Variants in PKNOX2 observed in about 807,000 individuals in gnomAD.
The protein encoded by PKNOX2 is PBX/knotted 1 homeobox 2.
Under a neutral mutation model 53.1 loss-of-function variants are expected in PKNOX2, and 14 were observed. The observed-to-expected ratio is 0.26, with a 90% CI of 0.17 to 0.41. The LOEUF (loss-of-function observed/expected upper bound fraction) is 0.41, where lower values mean the gene tolerates loss of function less well. Ranked by LOEUF, PKNOX2 falls within the 10% of genes least tolerant of loss-of-function variation. The probability of loss-of-function intolerance (pLI) is 1.00; values close to 1 mark genes in which losing one functional copy is unlikely to be tolerated. For synonymous variants in PKNOX2, 257 were observed against 242.8 expected (o/e 1.06, Z -0.54); for missense variants, 496 against 602.8 (o/e 0.82, Z 1.85).
chr11:125,430,657 G>GC (rs898738503), intron 12 of PKNOX2, among the ~76,000 whole-genome samples: 15 of 152,180 alleles, frequency 9.9e-5, no homozygotes, highest in East Asian at 1.9e-4. Flanking sequence ...GGGGAGTGGA[G>GC]CGTAGGTGTG....
At chr11:125,273,399 G>A (rs181609531) in intron 2 of PKNOX2, among the ~76,000 whole-genome samples, 28 of 152,316 alleles carry the variant, frequency 1.8e-4, no homozygotes, top group African/African-American at 3.8e-4. Context: ...AAGGTGGACC[G>A]AGGGGCAGGA....
At chr11:125,172,353 C>T (rs1346874250) in intron 1 of PKNOX2, among the ~76,000 whole-genome samples, 4 of 152,190 alleles carry the variant, frequency 2.6e-5, no homozygotes, top group Non-Finnish European at 5.9e-5. Context: ...ATGAGGCAAA[C>T]AAATCACTTC....
intron 2 of PKNOX2, among the ~76,000 whole-genome samples, chr11:125,325,918 AT>A (rs1949794161): frequency 6.6e-6 from 1 of 152,256 alleles, no homozygotes; most frequent in African/African-American, 2.4e-5. Context: ...TCAAGAACAC[AT>A]TGAAATATAA....
intron 4 of PKNOX2, among the ~76,000 whole-genome samples, chr11:125,365,110 C>A (rs1377345465): frequency 6.6e-6 from 1 of 152,110 alleles, no homozygotes; most frequent in Non-Finnish European, 1.5e-5. Flanking sequence ...CAAATCTCCT[C>A]CTTCAGATAT....
chr11:125,300,769 C>T (rs1459209089), intron 2 of PKNOX2, among the ~76,000 whole-genome samples: 1 of 152,194 alleles, frequency 6.6e-6, no homozygotes, highest in Non-Finnish European at 1.5e-5. Flanking sequence ...TCCCAACAGG[C>T]AGGGCCCTGC....
intron 2 of PKNOX2, among the ~76,000 whole-genome samples, chr11:125,244,456 C>T (rs1485784362): frequency 6.6e-6 from 1 of 152,172 alleles, no homozygotes; most frequent in East Asian, 1.9e-4. Flanking sequence ...CCCCAGCTGG[C>T]AAAGAATCTG....
At chr11:125,400,471 C>G (rs1420226239) in intron 7 of PKNOX2, among the ~76,000 whole-genome samples, 1 of 152,164 alleles carries the variant, frequency 6.6e-6, no homozygotes, top group Non-Finnish European at 1.5e-5. Context: ...TTGCCATGCC[C>G]CTGGGGGTGG....
chr11:125,386,609 T>G (rs1018343832), intron 6 of PKNOX2, among the ~76,000 whole-genome samples: 1 of 152,142 alleles, frequency 6.6e-6, no homozygotes, highest in Admixed American at 6.5e-5. Flanking sequence ...ACAAATTGAT[T>G]AATGATAGTG....
chr11:125,410,627 C>T, intron 8 of PKNOX2, 152 bp from the exon 9 acceptor site: 1 of 672,502 alleles, frequency 1.5e-6, no homozygotes, highest in South Asian at 1.9e-5. Context: ...CCATCCCCCA[C>T]CCACCCATAA....
At chr11:125,288,461 G>C (rs994307018) in intron 2 of PKNOX2, among the ~76,000 whole-genome samples, 1 of 152,202 alleles carries the variant, frequency 6.6e-6, no homozygotes, top group African/African-American at 2.4e-5. Flanking sequence ...GTGAGCCCGA[G>C]GTCACACAGT....
intron 1 of PKNOX2, among the ~76,000 whole-genome samples, chr11:125,178,696 GAGAA>G (rs61132513): frequency 1.1e-4 from 8 of 70,104 alleles, no homozygotes; most frequent in Non-Finnish European, 2.2e-4. Flanking sequence ...GAGAGAGAGA[GAGAA>G]AGAAAGAAAG....
At chr11:125,428,990 T>C (rs1956566083) in intron 10 of PKNOX2, 22 bp from the exon 11 acceptor site, 2 of 1,602,256 alleles carry the variant, frequency 1.2e-6, no homozygotes, top group South Asian at 2.2e-5. Context: ...CAGCCCTCAC[T>C]AGTCTCCACC....
intron 1 of PKNOX2, among the ~76,000 whole-genome samples, chr11:125,171,669 C>A (rs1485884192): frequency 6.6e-6 from 1 of 152,246 alleles, no homozygotes; most frequent in African/African-American, 2.4e-5. Context: ...AGGATTACCC[C>A]TTTCCCTTTC....
chr11:125,272,265 G>C (rs1945846973), intron 2 of PKNOX2, among the ~76,000 whole-genome samples: 1 of 152,172 alleles, frequency 6.6e-6, no homozygotes, highest in East Asian at 1.9e-4. Context: ...ACTGATCCTG[G>C]ATCCTTAGGT....
At chr11:125,405,816 G>T (rs1185595202) in intron 7 of PKNOX2, among the ~76,000 whole-genome samples, 1 of 152,194 alleles carries the variant, frequency 6.6e-6, no homozygotes, top group Non-Finnish European at 1.5e-5. Flanking sequence ...CGCTTCCAGG[G>T]GTGCCCATGG....
intron 2 of PKNOX2, among the ~76,000 whole-genome samples, chr11:125,250,903 C>T (rs918169551): frequency 2.0e-5 from 3 of 152,226 alleles, no homozygotes; most frequent in African/African-American, 4.8e-5. Context: ...TGGGGCTGGG[C>T]CCAGGTTCCT....
chr11:125,351,757 G>A (rs138920152), intron 4 of PKNOX2, among the ~76,000 whole-genome samples: 6 of 152,158 alleles, frequency 3.9e-5, no homozygotes, highest in East Asian at 1.9e-4. Context: ...GAGCGGAACC[G>A]CCCTCTGAGT....
chr11:125,209,667 G>A (rs1012141957), intron 1 of PKNOX2, among the ~76,000 whole-genome samples: 2 of 152,032 alleles, frequency 1.3e-5, no homozygotes, highest in Non-Finnish European at 2.9e-5. Context: ...AGTAATAGAT[G>A]GGGCAGGCTG....
At chr11:125,333,545 CACAT>C (rs1281258726) in intron 3 of PKNOX2, among the ~76,000 whole-genome samples, 7 of 140,176 alleles carry the variant, frequency 5.0e-5, no homozygotes, top group African/African-American at 1.9e-4. Context: ...GACACACACA[CACAT>C]ACACACACAC....
Sources: allele counts gnomAD v4.1 joint callset (sites outside exome capture counted in the v4.1 genomes callset), GRCh38; gene constraint gnomAD v4.1.1; transcripts MANE v1.5; gene names NCBI Gene and HGNC (gene_info 2026-07-23, HGNC 2026-07-21).